The following NALF1 variants were observed in gnomAD, a reference collection of about 807,000 sequenced individuals.
The protein encoded by NALF1 is NALCN channel auxiliary factor 1.
Under a neutral mutation model 48.4 loss-of-function variants are expected in NALF1, and 3 were observed. The ratio of observed to expected loss-of-function variants is 0.06; its 90% CI spans 0.03 to 0.16. The LOEUF (loss-of-function observed/expected upper bound fraction) is 0.16. NALF1 is among the 10% of genes least tolerant of loss of function. NALF1 has a pLI of 1.00. For synonymous variants in NALF1, 262 were observed against 245.7 expected (o/e 1.07, Z -0.62); for missense variants, 526 against 571.5 (o/e 0.92, Z 0.81).
chr13:107,460,336 A>G (rs1488482686), intron 1 of NALF1, among the ~76,000 whole-genome samples: 1 of 152,192 alleles, frequency 6.6e-6, no homozygotes, highest in East Asian at 1.9e-4. Context: ...CTCAGCAACG[A>G]GGGTTATCTA....
chr13:107,630,430 C>G (rs541744002), intron 1 of NALF1, among the ~76,000 whole-genome samples: 2 of 152,066 alleles, frequency 1.3e-5, no homozygotes, highest in African/African-American at 4.8e-5. Context: ...AATATCACCC[C>G]CCGTCCAGCA....
chr13:107,815,652 A>G (rs1299782937), intron 1 of NALF1, among the ~76,000 whole-genome samples: 2 of 152,190 alleles, frequency 1.3e-5, no homozygotes, highest in African/African-American at 4.8e-5. Flanking sequence ...CCTAAGAGAA[A>G]TTAAAACATA....
chr13:107,375,833 T>C (rs1017990608), intron 1 of NALF1, among the ~76,000 whole-genome samples: 4 of 151,932 alleles, frequency 2.6e-5, no homozygotes, highest in African/African-American at 4.8e-5. Flanking sequence ...GGAGTAGTAT[T>C]GGGAAACAAG....
At chr13:107,171,397 G>A (rs1053956072) in intron 2 of NALF1, among the ~76,000 whole-genome samples, 3 of 152,288 alleles carry the variant, frequency 2.0e-5, no homozygotes, top group African/African-American at 7.2e-5. Flanking sequence ...ACAGAAGTCT[G>A]CCTCAGTTGA....
chr13:107,403,616 A>G (rs979338974), intron 1 of NALF1, among the ~76,000 whole-genome samples: 5 of 152,036 alleles, frequency 3.3e-5, no homozygotes, highest in Non-Finnish European at 1.5e-5. Flanking sequence ...TGTTAAATCA[A>G]TTCTGCAAAG....
chr13:107,476,619 G>A (rs924095919), intron 1 of NALF1, among the ~76,000 whole-genome samples: 2 of 152,024 alleles, frequency 1.3e-5, no homozygotes, highest in Non-Finnish European at 2.9e-5. Flanking sequence ...TTTCTCAGAG[G>A]AGTGAATAAA....
chr13:107,192,272 C>A (rs947982741), intron 2 of NALF1, among the ~76,000 whole-genome samples: 1 of 152,148 alleles, frequency 6.6e-6, no homozygotes, highest in Non-Finnish European at 1.5e-5. Flanking sequence ...GACCCAAAGA[C>A]CCTGACCCAA....
At chr13:107,325,847 CACACACACAT>C (rs1253198467) in intron 1 of NALF1, among the ~76,000 whole-genome samples, 2 of 43,810 alleles carry the variant, frequency 4.6e-5, no homozygotes, top group East Asian at 8.0e-4. Context: ...TCTCAACACA[CACACACACAT>C]ATATATATAT....
At chr13:107,820,978 C>G (rs1879344771) in intron 1 of NALF1, among the ~76,000 whole-genome samples, 1 of 152,158 alleles carries the variant, frequency 6.6e-6, no homozygotes, top group Non-Finnish European at 1.5e-5. Context: ...TACTCCCTCC[C>G]TTAGAATTTT....
At chr13:107,321,569 G>A (rs1882255229) in intron 1 of NALF1, among the ~76,000 whole-genome samples, 1 of 152,022 alleles carries the variant, frequency 6.6e-6, no homozygotes, top group Non-Finnish European at 1.5e-5. Flanking sequence ...CTACGAAAAG[G>A]CAGCCTATTT....
chr13:107,619,842 G>T (rs1187113787), intron 1 of NALF1, among the ~76,000 whole-genome samples: 3 of 152,058 alleles, frequency 2.0e-5, no homozygotes, highest in Admixed American at 6.5e-5. Flanking sequence ...CATATGATAC[G>T]ATTTAGCCAA....
At chr13:107,743,251 T>C (rs1269607969) in intron 1 of NALF1, among the ~76,000 whole-genome samples, 3 of 152,180 alleles carry the variant, frequency 2.0e-5, no homozygotes, top group African/African-American at 4.8e-5. Flanking sequence ...TCCTTCCCTA[T>C]CTCCTTCCTT....
intron 1 of NALF1, among the ~76,000 whole-genome samples, chr13:107,442,024 G>C (rs910017254): frequency 1.3e-5 from 2 of 152,202 alleles, no homozygotes; most frequent in African/African-American, 4.8e-5. Flanking sequence ...ATATTTTTAA[G>C]AGAGCCAAAA....
chr13:107,358,117 T>C (rs1332145361), intron 1 of NALF1, among the ~76,000 whole-genome samples: 1 of 152,192 alleles, frequency 6.6e-6, no homozygotes, highest in African/African-American at 2.4e-5. Context: ...GATATATATA[T>C]GTATACACAT....
chr13:107,622,079 G>A (rs933231555), intron 1 of NALF1, among the ~76,000 whole-genome samples: 2 of 151,110 alleles, frequency 1.3e-5, no homozygotes, highest in African/African-American at 4.9e-5. Context: ...TGCAACCTCT[G>A]CCCCCCAGTT....
intron 1 of NALF1, among the ~76,000 whole-genome samples, chr13:107,381,897 A>G (rs202054973): frequency 6.6e-6 from 1 of 150,940 alleles, no homozygotes; most frequent in Admixed American, 6.6e-5. Flanking sequence ...CTTTACTTCC[A>G]CCTGCCACTA....
chr13:107,627,805 T>C (rs1264019115), intron 1 of NALF1, among the ~76,000 whole-genome samples: 1 of 152,112 alleles, frequency 6.6e-6, no homozygotes, highest in Non-Finnish European at 1.5e-5. Flanking sequence ...TCAATATAAA[T>C]ACTTCTGTAG....
At chr13:107,771,880 G>T (rs896014828) in intron 1 of NALF1, among the ~76,000 whole-genome samples, 7 of 152,052 alleles carry the variant, frequency 4.6e-5, no homozygotes, top group Non-Finnish European at 1.0e-4. Context: ...GGGACTACAG[G>T]CACATGCCAC....
chr13:107,835,023 A>G (rs929688021), intron 1 of NALF1, among the ~76,000 whole-genome samples: 1 of 152,224 alleles, frequency 6.6e-6, no homozygotes, highest in African/African-American at 2.4e-5. Context: ...ATACACTAGC[A>G]TTAATACTTG....
Sources: gnomAD v4.1 joint callset for allele counts (sites outside exome capture counted in the v4.1 genomes callset) on GRCh38, gnomAD v4.1.1 for gene constraint, MANE v1.5 for transcripts, NCBI Gene and HGNC (gene_info 2026-07-23, HGNC 2026-07-21) for gene names.